PTPRG: variants seen among roughly 807,000 people sequenced by gnomAD.
PTPRG encodes receptor-type tyrosine-protein phosphatase gamma.
A neutral mutation model predicts 165.3 loss-of-function variants in PTPRG; 102 were observed. The observed-to-expected ratio is 0.62, with a 90% CI of 0.53 to 0.73. The LOEUF is 0.73. Among genes scored for constraint, PTPRG ranks in the 30% least tolerant of loss-of-function variants. The pLI is 0.00. For synonymous variants in PTPRG, 675 were observed against 669.5 expected (o/e 1.01, Z -0.13); for missense variants, 1,866 against 1,861.4 (o/e 1.00, Z -0.05).
At chr3:61,922,167 A>G (rs1026739425) in intron 2 of PTPRG, among the ~76,000 whole-genome samples, 8 of 152,214 alleles carry the variant, frequency 5.3e-5, no homozygotes, top group Non-Finnish European at 1.0e-4. Context: ...GCAGTATGCT[A>G]TTTCTCAGCC....
intron 2 of PTPRG, among the ~76,000 whole-genome samples, chr3:61,980,862 C>G (rs1380471958): frequency 6.6e-6 from 1 of 152,180 alleles, no homozygotes; most frequent in African/African-American, 2.4e-5. Flanking sequence ...CATTCTGCTC[C>G]CTTCCTTCTT....
chr3:62,221,324 C>T (rs1480711851), intron 13 of PTPRG, among the ~76,000 whole-genome samples: 1 of 152,064 alleles, frequency 6.6e-6, no homozygotes, highest in Non-Finnish European at 1.5e-5. Flanking sequence ...TGAGCTTTTA[C>T]CAAATTCCTA....
chr3:61,584,012 T>C (rs528400461), intron 1 of PTPRG, among the ~76,000 whole-genome samples: 8 of 152,314 alleles, frequency 5.3e-5, no homozygotes, highest in Admixed American at 3.9e-4. Context: ...CCAAAAATAA[T>C]CCTTTAATAG....
intron 1 of PTPRG, among the ~76,000 whole-genome samples, chr3:61,615,725 T>C (rs546002786): frequency 6.6e-6 from 1 of 152,222 alleles, no homozygotes; most frequent in Non-Finnish European, 1.5e-5. Flanking sequence ...CATCATTATT[T>C]TGATGCTCAG....
At chr3:61,916,838 C>T (rs1287885695) in intron 2 of PTPRG, among the ~76,000 whole-genome samples, 3 of 152,126 alleles carry the variant, frequency 2.0e-5, no homozygotes, top group Admixed American at 6.5e-5. Context: ...GCTCCATTTC[C>T]ATTACAGATC....
intron 4 of PTPRG, among the ~76,000 whole-genome samples, chr3:62,019,844 TC>T (rs1358035083): frequency 6.6e-6 from 1 of 152,238 alleles, no homozygotes; most frequent in African/African-American, 2.4e-5. Flanking sequence ...GAAAACTACT[TC>T]CTGTGTATAC....
chr3:62,157,847 GT>G (rs1704598661), intron 7 of PTPRG, among the ~76,000 whole-genome samples: 4 of 152,208 alleles, frequency 2.6e-5, no homozygotes, highest in African/African-American at 9.7e-5. Flanking sequence ...TTCTTTCTGT[GT>G]GCTATGTACT....
chr3:62,160,592 T>G (rs1206484966), intron 7 of PTPRG, among the ~76,000 whole-genome samples: 1 of 152,268 alleles, frequency 6.6e-6, no homozygotes, highest in African/African-American at 2.4e-5. Flanking sequence ...GGCAACATAT[T>G]CATGATCAGT....
chr3:61,606,002 C>A (rs534022327), intron 1 of PTPRG, among the ~76,000 whole-genome samples: 21 of 152,314 alleles, frequency 1.4e-4, no homozygotes, highest in African/African-American at 4.6e-4. Flanking sequence ...TTGGTGGCAC[C>A]CCTCACCCCA....
chr3:61,709,175 A>G (rs2031422517), intron 1 of PTPRG, among the ~76,000 whole-genome samples: 1 of 152,234 alleles, frequency 6.6e-6, no homozygotes, highest in African/African-American at 2.4e-5. Flanking sequence ...GAGCTTGCCT[A>G]CTGGGGATAC....
intron 7 of PTPRG, among the ~76,000 whole-genome samples, chr3:62,160,948 G>A (rs1704736932): frequency 6.9e-6 from 1 of 145,028 alleles, no homozygotes; most frequent in Non-Finnish European, 1.5e-5. Flanking sequence ...TTAACCAAAG[G>A]TATCTGTGAG....
intron 1 of PTPRG, among the ~76,000 whole-genome samples, chr3:61,600,192 A>ATGTGTGTGTGTGTGTG (rs1258297289): frequency 5.6e-5 from 6 of 106,638 alleles, no homozygotes; most frequent in African/African-American, 1.7e-4. Flanking sequence ...ATATATATAT[A>ATGTGTGTGTGTGTGTG]TGTGTGTGTG....
At chr3:61,973,785 A>G (rs2040436931) in intron 2 of PTPRG, among the ~76,000 whole-genome samples, 1 of 152,080 alleles carries the variant, frequency 6.6e-6, no homozygotes, top group African/African-American at 2.4e-5. Flanking sequence ...GTGAGCCAAG[A>G]TGGCTTCTCT....
At chr3:62,110,569 A>G (rs1262770876) in intron 5 of PTPRG, among the ~76,000 whole-genome samples, 2 of 151,768 alleles carry the variant, frequency 1.3e-5, no homozygotes, top group African/African-American at 4.8e-5. Flanking sequence ...GATACGCTCT[A>G]CCTTGCAAGT....
intron 1 of PTPRG, among the ~76,000 whole-genome samples, chr3:61,704,937 G>C (rs1559565310): frequency 6.6e-6 from 1 of 152,202 alleles, no homozygotes. Flanking sequence ...CTCATTTGCA[G>C]CTCAGCTTCC....
intron 2 of PTPRG, among the ~76,000 whole-genome samples, chr3:61,845,796 T>C (rs1170783428): frequency 3.3e-5 from 5 of 152,232 alleles, no homozygotes; most frequent in Non-Finnish European, 7.3e-5. Flanking sequence ...CGAAATCAAA[T>C]GTCAGAGGTT....
intron 26 of PTPRG, among the ~76,000 whole-genome samples, chr3:62,280,960 T>C (rs931319731): frequency 5.3e-5 from 8 of 152,018 alleles, no homozygotes; most frequent in Admixed American, 2.0e-4. Context: ...GGTAATAAAA[T>C]TGCACTGTAT....
intron 1 of PTPRG, among the ~76,000 whole-genome samples, chr3:61,636,698 T>A (rs7638692): frequency 0.61 from 92,327 of 152,090 alleles, 29,123 homozygotes; most frequent in African/African-American, 0.79. Context: ...TTGTTTATAC[T>A]CTCATTTCTT....
At chr3:61,997,042 T>G (rs1427899061) in intron 3 of PTPRG, among the ~76,000 whole-genome samples, 1 of 152,198 alleles carries the variant, frequency 6.6e-6, no homozygotes, top group Non-Finnish European at 1.5e-5. Context: ...TCCTCCATCT[T>G]TCGTGTCTTA....
Sources: gnomAD v4.1 joint callset for allele counts (sites outside exome capture counted in the v4.1 genomes callset) on GRCh38, gnomAD v4.1.1 for gene constraint, MANE v1.5 for transcripts, NCBI Gene and HGNC (gene_info 2026-07-23, HGNC 2026-07-21) for gene names.